Variants in DCAF10 observed in about 807,000 individuals in gnomAD.
DCAF10 encodes DDB1- and CUL4-associated factor 10.
A neutral mutation model predicts 51.9 loss-of-function variants in DCAF10; 19 were observed. That is an observed-to-expected ratio of 0.37 (90% CI 0.26 to 0.54). The LOEUF is 0.54. DCAF10 is among the 20% of genes least tolerant of loss of function. The probability of loss-of-function intolerance (pLI) is 0.87; values close to 1 mark genes in which losing one functional copy is unlikely to be tolerated. For missense variants in DCAF10, 510 were observed against 730.6 expected, an observed-to-expected ratio of 0.70 and a Z score of 3.48; for synonymous variants, 291 against 297.1, an observed-to-expected ratio of 0.98 and a Z score of 0.21.
At chr9:37,840,585 A>G (rs1473324466) in intron 2 of DCAF10, among the ~76,000 whole-genome samples, 2 of 152,252 alleles carry the variant, frequency 1.3e-5, no homozygotes, top group African/African-American at 4.8e-5. Context: ...TGTTATTACA[A>G]AAGAGTCAAA....
At position 37,801,474 on chromosome 9, in the gene DCAF10, TG is replaced by T; in HGVS notation, c.539+72del. 7.4e-7 allele frequency: 1 copy of T among 1,347,614 alleles called. No homozygotes were observed. The highest frequency in any genetic ancestry group is 1.5e-5 in the African/African-American group (1 of 65,010). 83.5% of individuals were successfully genotyped at this position (1,347,614 alleles called of 1,614,324 possible). A position where few individuals can be genotyped will look rare whatever the true frequency, so the allele number is the denominator to read the frequency against. ...CTCTGCTGCCAGCGGACGGCCGTCC[TG>T]GGCTCGCTCCCCGCGCCCGGGCCGA... On this transcript the variant is annotated intron_variant, in intron 1 of 6. Coordinates refer to ENST00000377724, the MANE Select transcript of DCAF10 (RefSeq NM_024345.5). The surrounding 1 kb of genome is among the most constrained non-coding windows in gnomAD (Gnocchi z 5.5).
At chr9:37,840,395 G>A (rs1324682810) in intron 2 of DCAF10, among the ~76,000 whole-genome samples, 1 of 152,164 alleles carries the variant, frequency 6.6e-6, no homozygotes, top group African/African-American at 2.4e-5. Context: ...GGCAAGATGT[G>A]GAGATGGAAG....
chr9:37,861,608 G>A lies in DCAF10; in HGVS notation c.*100G>A. 1 of 1,496,490 alleles carries A rather than the reference G, an allele frequency of 6.7e-7. No homozygotes were observed. The highest frequency in any genetic ancestry group is 8.9e-7 in the Non-Finnish European group (1 of 1,124,052). 92.7% of individuals were successfully genotyped at this position (1,496,490 alleles called of 1,614,324 possible). A position where few individuals can be genotyped will look rare whatever the true frequency, so the allele number is the denominator to read the frequency against. On this transcript the variant is annotated 3_prime_UTR_variant, in exon 7 of 7. Transcript: ENST00000377724. This position sits in a 1 kb window ranked among gnomAD's most constrained non-coding sequence, Gnocchi z 4.9. ...CTTTTTAGAAGATCTTATAAGTTTG[G>A]GTCAAGATCCTGGTTCTTATGGGTC...
rs1349571436 is a variant in DCAF10, at chr9:37,861,092, A to G, written c.1312-48A>G. 1 of 1,552,986 alleles carries G rather than the reference A, an allele frequency of 6.4e-7. No individual in the cohort carries two copies. The highest frequency in any genetic ancestry group is 8.7e-7 in the Non-Finnish European group (1 of 1,148,476). On this transcript the variant is annotated intron_variant, in intron 6 of 6. Coordinates refer to ENST00000377724, the MANE Select transcript of DCAF10 (RefSeq NM_024345.5). This position sits in a 1 kb window ranked among gnomAD's most constrained non-coding sequence, Gnocchi z 4.9. The stretch of plus-strand genomic sequence containing the variant: ...TTTAAAAATAAGGAATATCTGTAGC[A>G]CTATTTGGGCTCTGTAACCTTGGTT...
chr9:37,837,971 G>T (rs2118006985), intron 2 of DCAF10, among the ~76,000 whole-genome samples: 1 of 151,772 alleles, frequency 6.6e-6, no homozygotes, highest in South Asian at 2.1e-4. Flanking sequence ...GCTGCAGTGA[G>T]CCATAATCAT....
intron 3 of DCAF10, among the ~76,000 whole-genome samples, chr9:37,849,469 C>T (rs1830569695): frequency 6.6e-6 from 1 of 152,104 alleles, no homozygotes; most frequent in African/African-American, 2.4e-5. Flanking sequence ...AGGCAGTGGT[C>T]AGGCACCGTG....
intron 3 of DCAF10, among the ~76,000 whole-genome samples, chr9:37,843,408 G>A (rs1024997974): frequency 6.6e-6 from 1 of 152,098 alleles, no homozygotes. Context: ...TTGAGTGGAA[G>A]GCAAAAACTA....
At chr9:37,856,831 G>A (rs901201381) in intron 4 of DCAF10, among the ~76,000 whole-genome samples, 3 of 152,142 alleles carry the variant, frequency 2.0e-5, no homozygotes, top group Non-Finnish European at 4.4e-5. Context: ...GATAATGGAA[G>A]TTTTTGGTAT....
intron 2 of DCAF10, among the ~76,000 whole-genome samples, chr9:37,826,047 A>G (rs887572277): frequency 1.4e-4 from 21 of 149,634 alleles, no homozygotes; most frequent in Non-Finnish European, 2.1e-4. Flanking sequence ...AAGAAAAAAA[A>G]AAAAGTTTAA....
At chr9:37,808,538 A>G (rs1188588727) in intron 1 of DCAF10, among the ~76,000 whole-genome samples, 9 of 118,214 alleles carry the variant, frequency 7.6e-5, no homozygotes. Context: ...ATAAATATAT[A>G]ATATATGTAA....
intron 5 of DCAF10, 80 bp from the exon 6 acceptor site, chr9:37,859,968 G>T: frequency 6.5e-7 from 1 of 1,548,408 alleles, no homozygotes; most frequent in East Asian, 2.3e-5. Context: ...GGAGGTGGCT[G>T]CCAGAAATAA....
rs1384019058 is a variant in DCAF10, at chr9:37,800,907, C to T, written c.41C>T (p.Ser14Leu). 2.1e-5 allele frequency: 32 copies of T among 1,494,828 alleles called. No individual in the cohort carries two copies. The highest frequency in any genetic ancestry group is 2.7e-5 in the Non-Finnish European group (30 of 1,129,802). The allele number at this position is 1,494,828 out of a possible 1,614,324, so 92.6% of individuals were successfully genotyped here. Reference protein sequence around the residue: ...FGPHSPGGDGSAGAGAEEPTP... With the variant: ...FGPHSPGGDGLAGAGAEEPTP... ...CCCCATAGCCCTGGAGGGGACGGATCGGCCGGAGCCGGGGCTGAGGAGCCG... is the reference window on the plus strand; with the variant it reads ...CCCCATAGCCCTGGAGGGGACGGATTGGCCGGAGCCGGGGCTGAGGAGCCG... Residue 14 changes from serine to leucine, a missense_variant, in exon 1 of 7, where the codon TCG (serine) becomes TTG (leucine). Transcript: ENST00000377724.
chr9:37,806,221 A>G (rs1829109453), intron 1 of DCAF10, among the ~76,000 whole-genome samples: 1 of 152,242 alleles, frequency 6.6e-6, no homozygotes, highest in Admixed American at 6.5e-5. Flanking sequence ...AAATATTGAT[A>G]TGTCCATAGT....
intron 2 of DCAF10, among the ~76,000 whole-genome samples, chr9:37,831,833 C>T (rs183644598): frequency 2.0e-5 from 3 of 152,234 alleles, no homozygotes; most frequent in Admixed American, 2.0e-4. Flanking sequence ...TCTGTAATCC[C>T]AGCTACTCGG....
chr9:37,825,921 G>A (rs1031317022), intron 2 of DCAF10, among the ~76,000 whole-genome samples: 1 of 152,070 alleles, frequency 6.6e-6, no homozygotes, highest in African/African-American at 2.4e-5. Flanking sequence ...TGTAATCCCA[G>A]CTACCCAGGA....
At chr9:37,851,730 G>A (rs962580779) in intron 3 of DCAF10, among the ~76,000 whole-genome samples, 1 of 151,450 alleles carries the variant, frequency 6.6e-6, no homozygotes, top group Non-Finnish European at 1.5e-5. Context: ...GGGAGGCAGA[G>A]GTTGCAGTGA....
Position 37,861,068 on chromosome 9 carries a change from T to A in DCAF10, c.1312-72T>A. On this transcript the variant is annotated intron_variant, in intron 6 of 6. Transcript: ENST00000377724. This position sits in a 1 kb window ranked among gnomAD's most constrained non-coding sequence, Gnocchi z 4.9. ...TGGCTTTGGCAATCTGTTGAGCTTT[T>A]TAAAAATAAGGAATATCTGTAGCAC... The A allele has an allele frequency of 1.3e-6, 2 of 1,505,480 alleles. No individual in the cohort carries two copies. Among genetic ancestry groups the A allele is most frequent in the Non-Finnish European group, 1.8e-6 (2 of 1,130,532 alleles). The allele number at this position is 1,505,480 out of a possible 1,614,324, so 93.3% of individuals were successfully genotyped here.
At chr9:37,839,204 G>A (rs951475334) in intron 2 of DCAF10, among the ~76,000 whole-genome samples, 4 of 151,696 alleles carry the variant, frequency 2.6e-5, no homozygotes, top group African/African-American at 4.8e-5. Flanking sequence ...GATTACAGGC[G>A]CCCGCCACCA....
chr9:37,818,911 A>G (rs536681343), intron 1 of DCAF10, among the ~76,000 whole-genome samples: 14 of 152,228 alleles, frequency 9.2e-5, no homozygotes, highest in Admixed American at 3.9e-4. Context: ...TACATTTAAG[A>G]TACTTTGAAT....
Sources: allele counts gnomAD v4.1 joint callset (sites outside exome capture counted in the v4.1 genomes callset), GRCh38; gene constraint gnomAD v4.1.1; non-coding constraint Gnocchi (gnomAD v3.1); transcripts MANE v1.5; gene names NCBI Gene and HGNC (gene_info 2026-07-23, HGNC 2026-07-21).